Variants in GKAP1 observed in about 807,000 individuals in gnomAD.
GKAP1 encodes the protein G kinase-anchoring protein 1.
In GKAP1, 31 loss-of-function variants were observed where a neutral mutation model predicts 56.7. The observed-to-expected ratio is 0.55, with a 90% CI of 0.41 to 0.74. The LOEUF is 0.74. Among genes scored for constraint, GKAP1 ranks in the 30% least tolerant of loss-of-function variants. The pLI, the probability that GKAP1 is intolerant of heterozygous loss-of-function variation, is 0.00. For missense variants in GKAP1, 364 were observed against 402.3 expected (o/e 0.90, Z 0.82); for synonymous variants, 151 against 138.6 (o/e 1.09, Z -0.63).
At chr9:83,790,741 G>A (rs776972164) in intron 4 of GKAP1, among the ~76,000 whole-genome samples, 5 of 152,052 alleles carry the variant, frequency 3.3e-5, no homozygotes, top group African/African-American at 1.2e-4. Flanking sequence ...TAAACCCAGA[G>A]GCGGAGGTTG....
At chr9:83,809,265 G>C (rs1024328169) in intron 2 of GKAP1, among the ~76,000 whole-genome samples, 1 of 152,186 alleles carries the variant, frequency 6.6e-6, no homozygotes, top group Non-Finnish European at 1.5e-5. Context: ...GGTATCCTTA[G>C]ATAAAGTTTC....
intron 2 of GKAP1, among the ~76,000 whole-genome samples, chr9:83,812,413 T>C (rs1440793758): frequency 6.6e-6 from 1 of 150,462 alleles, no homozygotes; most frequent in East Asian, 1.9e-4. Context: ...AGTGGTGTGA[T>C]CACGGCTCAC....
intron 4 of GKAP1, among the ~76,000 whole-genome samples, chr9:83,792,310 A>G (rs1005371440): frequency 1.3e-5 from 2 of 152,192 alleles, no homozygotes; most frequent in African/African-American, 2.4e-5. Flanking sequence ...AGGGCAGCAT[A>G]AGGTTCCAGA....
intron 8 of GKAP1, among the ~76,000 whole-genome samples, chr9:83,756,851 T>C (rs1267862789): frequency 1.3e-5 from 2 of 152,194 alleles, no homozygotes; most frequent in African/African-American, 4.8e-5. Context: ...TATCAGCAGT[T>C]CCCAAAATTT....
At chr9:83,745,902 C>T (rs1000477085) in intron 10 of GKAP1, among the ~76,000 whole-genome samples, 1 of 151,766 alleles carries the variant, frequency 6.6e-6, no homozygotes, top group African/African-American at 2.4e-5. Flanking sequence ...GTGATTCTTG[C>T]ACTTCAGCCT....
intron 4 of GKAP1, among the ~76,000 whole-genome samples, chr9:83,796,525 C>T (rs956135212): frequency 6.6e-6 from 1 of 152,136 alleles, no homozygotes; most frequent in Non-Finnish European, 1.5e-5. Flanking sequence ...GGCTGGAGTG[C>T]AATGGCACAA....
At position 83,796,142 on chromosome 9, in the gene GKAP1, G is replaced by C. The variant is rs185854344; in HGVS notation, c.360+3043C>G. Reference sequence around the variant, plus strand: ...AGCTAGGGTCTCACTATGTTGCCCAGGCCAGTCTCAAACTCCTGGCCTCAA... The same window carrying C: ...AGCTAGGGTCTCACTATGTTGCCCACGCCAGTCTCAAACTCCTGGCCTCAA... On this transcript the variant is annotated intron_variant, in intron 4 of 12. Coordinates refer to ENST00000376371, the MANE Select transcript of GKAP1 (RefSeq NM_025211.4). Among the ~76,000 whole-genome samples, 429 of 151,896 alleles carry C rather than the reference G, an allele frequency of 2.8e-3. 5 individuals carry two copies. Among genetic ancestry groups the C allele is most frequent in the Non-Finnish European group, 3.6e-3 (248 of 67,974 alleles).
At chr9:83,777,824 T>G (rs1943888701) in intron 7 of GKAP1, among the ~76,000 whole-genome samples, 1 of 152,200 alleles carries the variant, frequency 6.6e-6, no homozygotes. Context: ...AACATTTTGT[T>G]TGAGAGTTCA....
chr9:83,763,606 T>A (rs1417398041), intron 8 of GKAP1, among the ~76,000 whole-genome samples: 1 of 152,144 alleles, frequency 6.6e-6, no homozygotes, highest in African/African-American at 2.4e-5. Context: ...AATTCTACTC[T>A]AAGTTTCTAA....
intron 10 of GKAP1, among the ~76,000 whole-genome samples, chr9:83,746,883 C>T (rs1943304592): frequency 6.6e-6 from 1 of 152,180 alleles, no homozygotes. Flanking sequence ...GATTGATCCA[C>T]AGATGGGGAA....
intron 4 of GKAP1, among the ~76,000 whole-genome samples, chr9:83,791,347 G>A (rs1944156175): frequency 6.6e-6 from 1 of 151,708 alleles, no homozygotes; most frequent in Non-Finnish European, 1.5e-5. Flanking sequence ...AGCTTGCAGT[G>A]AGCCGACATC....
intron 8 of GKAP1, among the ~76,000 whole-genome samples, chr9:83,763,056 G>T (rs537610822): frequency 6.6e-6 from 1 of 152,102 alleles, no homozygotes; most frequent in Non-Finnish European, 1.5e-5. Context: ...ATCAACAGAT[G>T]AATAAATAAA....
intron 8 of GKAP1, among the ~76,000 whole-genome samples, chr9:83,762,631 G>A (rs1943592921): frequency 6.6e-6 from 1 of 152,068 alleles, no homozygotes; most frequent in Admixed American, 6.6e-5. Context: ...AAGGAATCAT[G>A]TTACCTGACT....
At chr9:83,812,285 A>G (rs1158128728) in intron 2 of GKAP1, among the ~76,000 whole-genome samples, 2 of 148,380 alleles carry the variant, frequency 1.3e-5, no homozygotes, top group Non-Finnish European at 3.0e-5. Context: ...ATATACACAT[A>G]TATACGTATA....
At chr9:83,759,610 C>CTG (rs1943535146) in intron 8 of GKAP1, among the ~76,000 whole-genome samples, 2 of 152,130 alleles carry the variant, frequency 1.3e-5, no homozygotes, top group Non-Finnish European at 2.9e-5. Context: ...GAGTTTTGAA[C>CTG]ATTTTTTTTG....
chr9:83,813,399 A>G (rs1227818327), intron 2 of GKAP1, among the ~76,000 whole-genome samples: 1 of 152,238 alleles, frequency 6.6e-6, no homozygotes, highest in African/African-American at 2.4e-5. Flanking sequence ...TTTTTGGTGC[A>G]GAAATCTAAT....
chr9:83,761,596 C>G (rs1943572109), intron 8 of GKAP1, among the ~76,000 whole-genome samples: 1 of 149,386 alleles, frequency 6.7e-6, no homozygotes, highest in South Asian at 2.1e-4. Context: ...CAAAACCGGA[C>G]AAAGAAACAT....
chr9:83,769,896 T>C (rs1450019444), intron 7 of GKAP1, among the ~76,000 whole-genome samples: 1 of 152,202 alleles, frequency 6.6e-6, no homozygotes, highest in Non-Finnish European at 1.5e-5. Flanking sequence ...TTTTTCATGA[T>C]AGCCACCGGG....
Position 83,806,297 on chromosome 9 carries a change from GT to G in GKAP1, c.216+4del. The G allele has an allele frequency of 6.6e-7, 1 of 1,526,686 alleles. No homozygotes were observed. The highest frequency in any genetic ancestry group is 8.9e-7 in the Non-Finnish European group (1 of 1,127,520). The allele number at this position is 1,526,686 out of a possible 1,614,324, so 94.6% of individuals were successfully genotyped here. A position where few individuals can be genotyped will look rare whatever the true frequency, so the allele number is the denominator to read the frequency against. ...GAAAGCAGACAACACAGATAATTGT[GT>G]TACCTCATTTGCTTCACTCTGTTGC... On this transcript the variant is annotated splice_donor_region_variant and intron_variant, in intron 3 of 12. Transcript: ENST00000376371.
Sources: gnomAD v4.1 joint callset for allele counts (sites outside exome capture counted in the v4.1 genomes callset) on GRCh38, gnomAD v4.1.1 for gene constraint, MANE v1.5 for transcripts, NCBI Gene and HGNC (gene_info 2026-07-23, HGNC 2026-07-21) for gene names.